TNKS1BP1: variants seen among roughly 807,000 people sequenced by gnomAD.
TNKS1BP1 encodes the protein CCR4-NOT transcription complex subunit 12.
Under a neutral mutation model 141.1 loss-of-function variants are expected in TNKS1BP1, and 48 were observed. The observed-to-expected ratio is 0.34, with a 90% CI of 0.27 to 0.43. TNKS1BP1 has a LOEUF of 0.43. TNKS1BP1 is among the 20% of genes least tolerant of loss of function. TNKS1BP1 has a pLI of 1.00. For missense variants in TNKS1BP1, 2,149 were observed against 2,226.0 expected (o/e 0.97, Z 0.70); for synonymous variants, 875 against 898.2 (o/e 0.97, Z 0.46).
intron 3 of TNKS1BP1, 139 bp downstream of exon 3, chr11:57,319,940 G>A (rs1376989786): frequency 2.1e-5 from 22 of 1,044,680 alleles, no homozygotes; most frequent in Non-Finnish European, 3.1e-5. Context: ...GGATCTGCCT[G>A]TACTCACAGC....
At chr11:57,324,770 T>A in intron 1 of TNKS1BP1, 70 bp downstream of exon 1, 1 of 984,010 alleles carries the variant, frequency 1.0e-6, no homozygotes, top group Non-Finnish European at 1.2e-6. Context: ...CACCCACTCC[T>A]TCCATGCCCC....
rs144560116 is a variant in TNKS1BP1, at chr11:57,308,399, C to G, written c.4312G>C (p.Ala1438Pro). ...GGATGGGGCTCCGTTCATTACCTTG[C>G]TCCGAAGCTGAGGGCTTCTCCTGTC... ...METGEALSFG[A>P]SPGRCPARPP... The change falls in exon 6 of 12, where the codon GCA (alanine) becomes CCA (proline). Residue 1438 changes from alanine to proline, a missense_variant. Ala to Pro is a conservative substitution (Grantham distance 27, BLOSUM62 -1). Transcript: ENST00000358252. The G allele has an allele frequency of 6.4e-5, 103 of 1,612,482 alleles. 1 individual carries two copies. Among genetic ancestry groups the G allele is most frequent in the Middle Eastern group, 3.3e-4 (2 of 6,072 alleles).
At chr11:57,322,990 G>A (rs1199588845) in intron 1 of TNKS1BP1, among the ~76,000 whole-genome samples, 1 of 152,146 alleles carries the variant, frequency 6.6e-6, no homozygotes, top group African/African-American at 2.4e-5. Flanking sequence ...AGTGCTGGGT[G>A]GGTCTACCAC....
At chr11:57,310,597 A>T in intron 5 of TNKS1BP1, 41 bp from the exon 6 acceptor site, 1 of 1,569,212 alleles carries the variant, frequency 6.4e-7, no homozygotes, top group Non-Finnish European at 8.6e-7. Context: ...AACAACGATT[A>T]GATTCCATCA....
chr11:57,312,722 C>T lies in TNKS1BP1; in HGVS notation c.1966G>A (p.Ala656Thr), dbSNP rs763275317. 1 of 1,574,428 alleles carries T rather than the reference C, an allele frequency of 6.4e-7. No homozygotes were observed. The highest frequency in any genetic ancestry group is 2.2e-5 in the East Asian group (1 of 44,464). Residue 656 changes from alanine to threonine, a missense_variant, in exon 5 of 12, where the codon GCT becomes ACT. Physicochemically the swap from Ala to Thr is moderately conservative, Grantham distance 58. Coordinates refer to ENST00000358252, the MANE Select transcript of TNKS1BP1 (RefSeq NM_033396.3). ...VEEEAVTLARAETTQARTEAQ... is the reference protein window; with the variant it reads ...VEEEAVTLARTETTQARTEAQ... ...TCTGTCCTGGCTTGGGTGGTCTCAG[C>T]CCGGGCTAGGGTCACGGCCTCCTCC... is the stretch of plus-strand genomic sequence containing the variant.
At position 57,322,077 on chromosome 11, in the gene TNKS1BP1, G is replaced by T. The variant is rs868424963; in HGVS notation, c.-65-127C>A. On this transcript the variant is annotated intron_variant, in intron 1 of 11. Coordinates refer to ENST00000358252, the MANE Select transcript of TNKS1BP1 (RefSeq NM_033396.3). ...AGGAAGAGAGAACTTGGAGTGGGGG[G>T]GGGGGGGTAGGAGGAGGTCAAGGGA... 2,009 of 855,508 alleles carry T rather than the reference G, an allele frequency of 2.3e-3. 70 individuals are homozygous for T. In the African/African-American group the frequency reaches 0.03, roughly 13 times the overall value. The allele number at this position is 855,508 out of a possible 1,614,324, so 53.0% of individuals were successfully genotyped here. A position where few individuals can be genotyped will look rare whatever the true frequency, so the allele number is the denominator to read the frequency against.
rs1056667747 is a variant in TNKS1BP1 at position 57,300,021 on chromosome 11, T to C, written c.*73A>G. On this transcript the variant is annotated 3_prime_UTR_variant, in exon 12 of 12. Transcript: ENST00000358252. ...CTGGGGCATGGTGGGGCTCCAGCCG[T>C]CTCCTCACCCAGGGACCCCACAGGA... 2 of 154,128 alleles carry C rather than the reference T, an allele frequency of 1.3e-5. No individual in the cohort carries two copies. The highest frequency in any genetic ancestry group is 3.9e-4 in the East Asian group (2 of 5,176). 9.5% of individuals were successfully genotyped at this position (154,128 alleles called of 1,614,324 possible).
rs747576818 is a variant in TNKS1BP1 at position 57,308,770 on chromosome 11, T to C, written c.3941A>G (p.Asn1314Ser). 9 of 1,613,922 alleles carry C rather than the reference T, an allele frequency of 5.6e-6. No homozygotes were observed. In the South Asian group the frequency reaches 9.9e-5, roughly 18 times the overall value. The change falls in exon 6 of 12, where the codon AAT (asparagine) becomes AGT (serine). Residue 1314 changes from asparagine to serine, a missense_variant. Physicochemically the swap from Asn to Ser is conservative, Grantham distance 46. Coordinates refer to ENST00000358252, the MANE Select transcript of TNKS1BP1 (RefSeq NM_033396.3). ...LGVGQMDWGN[N>S]LGLRDLEVTC... is the part of the protein sequence containing the mutation. ...CACCTCCAAATCCCTCAGGCCCAGA[T>C]TGTTACCCCAGTCCATCTGGCCCAC...
chr11:57,312,429 A>G, intron 5 of TNKS1BP1, 105 bp downstream of exon 5: 1 of 1,307,988 alleles, frequency 7.6e-7, no homozygotes, highest in Non-Finnish European at 1.0e-6. Flanking sequence ...GCTCACTACC[A>G]CAGCCCAAGC....
intron 3 of TNKS1BP1, 57 bp downstream of exon 3, chr11:57,320,022 A>ACCCCCC: frequency 1.8e-6 from 2 of 1,118,682 alleles, no homozygotes; most frequent in East Asian, 3.1e-5. Flanking sequence ...CCCCCACCCA[A>ACCCCCC]TCCCACCCCA....
intron 1 of TNKS1BP1, 47 bp downstream of exon 1, chr11:57,324,793 T>C (rs1443720948): frequency 2.1e-6 from 2 of 938,390 alleles, no homozygotes; most frequent in African/African-American, 1.9e-5. Flanking sequence ...CCCCGCCCCA[T>C]CCCGGACCCC....
At chr11:57,314,141 C>T (rs965933784) in intron 4 of TNKS1BP1, among the ~76,000 whole-genome samples, 1 of 152,220 alleles carries the variant, frequency 6.6e-6, no homozygotes, top group African/African-American at 2.4e-5. Context: ...TAATTCCTTT[C>T]GTCTCAGGTG....
chr11:57,313,627 G>A lies in TNKS1BP1; in HGVS notation c.1061C>T (p.Pro354Leu), dbSNP rs112591435. 4.8e-5 allele frequency: 77 copies of A among 1,590,518 alleles called. No homozygotes were observed. The Middle Eastern group carries it at 1.7e-3, about 35-fold the overall frequency. ...PDEGSRHTPSPGLPAEGAPEA... is the reference protein window; with the variant it reads ...PDEGSRHTPSLGLPAEGAPEA... ...TGGAGCCCCCTCGGCAGGGAGCCCC[G>A]GGCTGGGGGTGTGGCGGGAGCCCTC... is the stretch of plus-strand genomic sequence containing the variant. Residue 354 changes from proline to leucine, a missense_variant, in exon 5 of 12, where the codon CCG (proline) becomes CTG (leucine). Pro to Leu is a moderately conservative substitution (Grantham distance 98). Coordinates refer to ENST00000358252, the MANE Select transcript of TNKS1BP1 (RefSeq NM_033396.3).
chr11:57,303,752 A>T (rs1339355278), intron 6 of TNKS1BP1, among the ~76,000 whole-genome samples: 4 of 152,118 alleles, frequency 2.6e-5, no homozygotes, highest in Non-Finnish European at 5.9e-5. Context: ...GCTTCCTCAA[A>T]ACACAATACA....
intron 6 of TNKS1BP1, among the ~76,000 whole-genome samples, chr11:57,306,374 AAATT>A (rs371042136): frequency 6.6e-6 from 1 of 152,248 alleles, no homozygotes; most frequent in African/African-American, 2.4e-5. Context: ...GACATTAGCC[AAATT>A]AGCTTGGAAA....
Position 57,300,928 on chromosome 11 carries a change from C to G in TNKS1BP1, c.5085G>C (p.Leu1695=). 1.2e-6 allele frequency: 2 copies of G among 1,614,176 alleles called. No homozygotes were observed. Among genetic ancestry groups the G allele is most frequent in the Non-Finnish European group, 1.7e-6 (2 of 1,180,030 alleles). Residue 1695 remains leucine, a synonymous_variant, in exon 10 of 12, where the codon CTG becomes CTC. Transcript: ENST00000358252. ...TGGGAGGTAACGTGAGGGGCTTTCC[C>G]AGTCCTGGGACCTTGCAGGATTTCG... ...QRSKSCKVPG[L]GKPLTLPPKP...
rs780428054 is a variant in TNKS1BP1 at position 57,313,114 on chromosome 11, G to A, written c.1574C>T (p.Ser525Phe). ...LAVSSREEGVSQQGQGAGSAP... is the reference protein window; with the variant it reads ...LAVSSREEGVFQQGQGAGSAP... Reference sequence around the variant, plus strand: ...TGACCCAGCCCCTTGCCCCTGCTGAGACACTCCTTCTTCCCTGCTGGAAAC... The same window carrying A: ...TGACCCAGCCCCTTGCCCCTGCTGAAACACTCCTTCTTCCCTGCTGGAAAC... The change falls in exon 5 of 12, where the codon TCT (serine) becomes TTT (phenylalanine). Residue 525 changes from serine to phenylalanine, a missense_variant. Ser to Phe is a radical substitution (Grantham distance 155). Transcript: ENST00000358252. 3.7e-6 allele frequency: 6 copies of A among 1,613,222 alleles called. No homozygotes were observed. The African/African-American group carries it at 6.7e-5, about 18-fold the overall frequency.
In TNKS1BP1 at chr11:57,308,403, G is replaced by A. The variant is rs368362055; in HGVS notation, c.4308C>T (p.Phe1436=). 28 of 1,612,820 alleles carry A rather than the reference G, an allele frequency of 1.7e-5. No homozygotes were observed. The highest frequency in any genetic ancestry group is 3.3e-4 in the Middle Eastern group (2 of 6,072). The change falls in exon 6 of 12, where the codon TTC becomes TTT. Residue 1436 remains phenylalanine, a synonymous_variant. Coordinates refer to ENST00000358252, the MANE Select transcript of TNKS1BP1 (RefSeq NM_033396.3). The stretch of plus-strand genomic sequence containing the variant: ...GGGGCTCCGTTCATTACCTTGCTCC[G>A]AAGCTGAGGGCTTCTCCTGTCTCCA... ...PGMETGEALS[F]GASPGRCPAR...
At position 57,321,999 on chromosome 11, in the gene TNKS1BP1, G is replaced by A. The variant is rs1590597993; in HGVS notation, c.-65-49C>T. 8 of 1,360,162 alleles carry A rather than the reference G, an allele frequency of 5.9e-6. No individual in the cohort carries two copies. In the South Asian group the frequency reaches 1.1e-4, roughly 19 times the overall value. The allele number at this position is 1,360,162 out of a possible 1,614,324, so 84.3% of individuals were successfully genotyped here. On this transcript the variant is annotated intron_variant, in intron 1 of 11. Coordinates refer to ENST00000358252, the MANE Select transcript of TNKS1BP1 (RefSeq NM_033396.3). ...GGAAAAAAAGAGTTGGGCGTTGCCA[G>A]TAGGTTTAGCAGAGAGAAGTCTCCT...
Sources: allele counts gnomAD v4.1 joint callset (sites outside exome capture counted in the v4.1 genomes callset), GRCh38; gene constraint gnomAD v4.1.1; transcripts MANE v1.5; gene names NCBI Gene and HGNC (gene_info 2026-07-23, HGNC 2026-07-21).